Variants in PPM1D observed in about 807,000 individuals in gnomAD.
PPM1D encodes the protein protein phosphatase, Mg2+/Mn2+ dependent 1D.
Under a neutral mutation model 58.3 loss-of-function variants are expected in PPM1D, and 52 were observed. The ratio of observed to expected loss-of-function variants is 0.89; its 90% CI spans 0.71 to 1.12. PPM1D has a LOEUF of 1.12. PPM1D is among the 50% of genes most tolerant of loss of function. PPM1D has a pLI of 0.00. For missense variants in PPM1D, 564 were observed against 777.2 expected, an observed-to-expected ratio of 0.73 and a Z score of 3.26; for synonymous variants, 278 against 285.1, an observed-to-expected ratio of 0.98 and a Z score of 0.25.
At chr17:60,613,067 G>A (rs2030493635) in intron 1 of PPM1D, among the ~76,000 whole-genome samples, 1 of 152,154 alleles carries the variant, frequency 6.6e-6, no homozygotes, top group Admixed American at 6.5e-5. Flanking sequence ...GCTTTCAGGA[G>A]AAGCTATTAG....
At chr17:60,629,762 G>T (rs1223953309) in intron 2 of PPM1D, among the ~76,000 whole-genome samples, 1 of 152,120 alleles carries the variant, frequency 6.6e-6, no homozygotes, top group Admixed American at 6.6e-5. Flanking sequence ...TTGGGGCCGG[G>T]CACAGTGGCT....
intron 1 of PPM1D, among the ~76,000 whole-genome samples, chr17:60,615,975 G>C (rs2030574921): frequency 6.6e-6 from 1 of 152,112 alleles, no homozygotes; most frequent in Non-Finnish European, 1.5e-5. Context: ...GCAGGCATGA[G>C]TGACTGCACC....
intron 2 of PPM1D, among the ~76,000 whole-genome samples, chr17:60,628,276 AC>A (rs929980998): frequency 6.6e-6 from 1 of 151,766 alleles, no homozygotes. Flanking sequence ...ACTTTGGCCT[AC>A]CCCCCGTCTC....
Position 60,656,846 on chromosome 17 carries a change from A to G in PPM1D, c.1260+5A>G, listed in dbSNP as rs778052913. 22 of 1,613,736 alleles carry G rather than the reference A, an allele frequency of 1.4e-5. No individual in the cohort carries two copies. Among genetic ancestry groups the G allele is most frequent in the Non-Finnish European group, 1.9e-5 (22 of 1,179,860 alleles). ...TGTTCTACACCACCAGTCAAGGTAT[A>G]TAGTTCCATAGTTTTTAAGTTATGT... On this transcript the variant is annotated splice_donor_5th_base_variant and intron_variant, in intron 5 of 5. Transcript: ENST00000305921.
At chr17:60,650,089 GC>G (rs1430878969) in intron 4 of PPM1D, among the ~76,000 whole-genome samples, 1 of 152,194 alleles carries the variant, frequency 6.6e-6, no homozygotes, top group African/African-American at 2.4e-5. Flanking sequence ...ATTGAAGGAA[GC>G]ATCCGTATAA....
intron 3 of PPM1D, among the ~76,000 whole-genome samples, chr17:60,641,814 A>G (rs981854544): frequency 2.0e-5 from 3 of 152,212 alleles, no homozygotes; most frequent in Non-Finnish European, 2.9e-5. Context: ...AAGCCACTCA[A>G]AGGGGTGCTG....
intron 2 of PPM1D, among the ~76,000 whole-genome samples, chr17:60,631,202 C>T (rs2030913540): frequency 6.6e-6 from 1 of 151,846 alleles, no homozygotes; most frequent in Non-Finnish European, 1.5e-5. Context: ...TGCCTTTGGT[C>T]CCAGCTATTT....
intron 5 of PPM1D, among the ~76,000 whole-genome samples, chr17:60,658,248 T>G (rs1429313749): frequency 6.6e-6 from 1 of 152,100 alleles, no homozygotes. Context: ...GACATTAGGG[T>G]GGGGAATAGT....
At chr17:60,603,588 C>T (rs1003552944) in intron 1 of PPM1D, among the ~76,000 whole-genome samples, 2 of 152,112 alleles carry the variant, frequency 1.3e-5, no homozygotes, top group Admixed American at 6.6e-5. Context: ...CATGGTGAAA[C>T]CTTGTCTCTA....
intron 2 of PPM1D, among the ~76,000 whole-genome samples, chr17:60,631,712 C>T (rs905534770): frequency 1.3e-5 from 2 of 152,054 alleles, no homozygotes; most frequent in Non-Finnish European, 2.9e-5. Context: ...TTCAGTCTTC[C>T]TCTGGACTGT....
chr17:60,605,833 A>T (rs1031763799), intron 1 of PPM1D, among the ~76,000 whole-genome samples: 11 of 152,196 alleles, frequency 7.2e-5, no homozygotes, highest in Non-Finnish European at 1.2e-4. Context: ...TGAACCTGGG[A>T]GGCAGAGGTT....
Position 60,646,882 on chromosome 17 carries a change from A to T in PPM1D, c.827-1010A>T, listed in dbSNP as rs74940109. 1.4e-3 allele frequency among the ~76,000 whole-genome samples: 209 copies of T among 152,308 alleles called. 1 individual carries two copies. The highest frequency in any genetic ancestry group is 4.9e-3 in the African/African-American group (203 of 41,570). On this transcript the variant is annotated intron_variant, in intron 3 of 5. Coordinates refer to ENST00000305921, the MANE Select transcript of PPM1D (RefSeq NM_003620.4). ...CTGTTGCTCTCCAAAGTTTGGTCATATGGTTGGTAAAGAGCATTACAATGC... is the reference window on the plus strand; with the variant it reads ...CTGTTGCTCTCCAAAGTTTGGTCATTTGGTTGGTAAAGAGCATTACAATGC...
chr17:60,626,338 A>G (rs964094057), intron 2 of PPM1D, among the ~76,000 whole-genome samples: 5 of 151,810 alleles, frequency 3.3e-5, no homozygotes, highest in Admixed American at 3.3e-4. Context: ...CTTTTTGATC[A>G]TATCCAGTTT....
intron 1 of PPM1D, among the ~76,000 whole-genome samples, chr17:60,616,174 G>C (rs1345448270): frequency 1.3e-5 from 2 of 151,648 alleles, no homozygotes; most frequent in Admixed American, 1.3e-4. Context: ...TGTAATCCCA[G>C]CTACTCTGGA....
intron 2 of PPM1D, among the ~76,000 whole-genome samples, chr17:60,632,963 A>G (rs1410557493): frequency 2.6e-5 from 4 of 151,554 alleles, no homozygotes; most frequent in Non-Finnish European, 1.5e-5. Flanking sequence ...GCAAAACTCC[A>G]TCTCAAAATA....
intron 2 of PPM1D, among the ~76,000 whole-genome samples, chr17:60,624,943 C>T (rs1227016811): frequency 6.6e-6 from 1 of 152,004 alleles, no homozygotes; most frequent in Non-Finnish European, 1.5e-5. Flanking sequence ...AGTTCGAGAC[C>T]AGCTTGGGGA....
chr17:60,628,195 A>G (rs2030849200), intron 2 of PPM1D, among the ~76,000 whole-genome samples: 1 of 152,236 alleles, frequency 6.6e-6, no homozygotes. Context: ...AAAAAAATTA[A>G]TGACTTTAAT....
intron 3 of PPM1D, among the ~76,000 whole-genome samples, chr17:60,644,197 C>T (rs866637569): frequency 1.3e-5 from 2 of 151,522 alleles, no homozygotes; most frequent in Middle Eastern, 3.2e-3. Context: ...ATCTTGAACT[C>T]TTCACAGTTG....
chr17:60,629,340 A>G (rs2143665608), intron 2 of PPM1D, among the ~76,000 whole-genome samples: 1 of 152,372 alleles, frequency 6.6e-6, no homozygotes, highest in East Asian at 1.9e-4. Flanking sequence ...TACCTAAGCT[A>G]GACCCTGTCG....
Sources: gnomAD v4.1 joint callset for allele counts (sites outside exome capture counted in the v4.1 genomes callset) on GRCh38, gnomAD v4.1.1 for gene constraint, MANE v1.5 for transcripts, NCBI Gene and HGNC (gene_info 2026-07-23, HGNC 2026-07-21) for gene names.